SP140L: variants seen among roughly 807,000 people sequenced by gnomAD.
The protein encoded by SP140L is SP140 like nuclear body protein.
SP140L carries 64 observed loss-of-function variants against 84.3 expected under a neutral mutation model. The observed-to-expected ratio is 0.76, with a 90% confidence interval of 0.62 to 0.94. SP140L has a LOEUF of 0.94. Ranked by LOEUF, SP140L falls within the 40% of genes least tolerant of loss-of-function variation. The pLI is 0.00. For synonymous variants in SP140L, 242 were observed against 236.9 expected (o/e 1.02, Z -0.20); for missense variants, 628 against 692.5 (o/e 0.91, Z 1.05).
chr2:230,351,995 A>G (rs771075786), intron 2 of SP140L, among the ~76,000 whole-genome samples: 15 of 152,194 alleles, frequency 9.9e-5, no homozygotes, highest in Non-Finnish European at 2.1e-4. Flanking sequence ...CCATACTTAC[A>G]TAATAATTTC....
intron 7 of SP140L, among the ~76,000 whole-genome samples, chr2:230,378,258 T>C (rs1419559066): frequency 3.3e-5 from 5 of 152,168 alleles, no homozygotes; most frequent in Admixed American, 3.3e-4. Context: ...CCTCCAGTTT[T>C]GTTTTTCAGA....
chr2:230,391,379 T>C (rs2061798703), intron 11 of SP140L, among the ~76,000 whole-genome samples: 1 of 152,202 alleles, frequency 6.6e-6, no homozygotes, highest in Non-Finnish European at 1.5e-5. Flanking sequence ...TCACCAACAC[T>C]TGTTATTGTT....
Position 230,389,957 on chromosome 2 carries a change from G to T in SP140L, c.898G>T (p.Ala300Ser). ...CAAAGATGAAACTGTGGATTTTCAG[G>T]CTCCTTTACTTCCAGTGACCTGTGG... ...KHKDETVDFQ[A>S]PLLPVTCGGV... Residue 300 changes from alanine to serine, a missense_variant, in exon 11 of 19, where the codon GCT becomes TCT. Coordinates refer to ENST00000415673, the MANE Select transcript of SP140L (RefSeq NM_138402.6). 1 of 1,613,824 alleles carries T rather than the reference G, an allele frequency of 6.2e-7. No homozygotes were observed. The highest frequency in any genetic ancestry group is 8.5e-7 in the Non-Finnish European group (1 of 1,179,822).
At chr2:230,398,240 C>T (rs1055759377) in intron 14 of SP140L, among the ~76,000 whole-genome samples, 5 of 152,154 alleles carry the variant, frequency 3.3e-5, no homozygotes, top group Non-Finnish European at 7.3e-5. Context: ...AATACCAGTG[C>T]CTGTGCCTCA....
Position 230,357,924 on chromosome 2 carries a change from A to G in SP140L, c.227A>G (p.Glu76Gly). 1 of 1,614,020 alleles carries G rather than the reference A, an allele frequency of 6.2e-7. No individual in the cohort carries two copies. Among genetic ancestry groups the G allele is most frequent in the Non-Finnish European group, 8.5e-7 (1 of 1,179,900 alleles). ...NAIKKTFPFL[E>G]GLRDRELITN... ...ATAAAAAAGACATTTCCATTCCTTGAGGGCCTCCGCGATCGGGAACTCATC... is the reference window on the plus strand; with the variant it reads ...ATAAAAAAGACATTTCCATTCCTTGGGGGCCTCCGCGATCGGGAACTCATC... Residue 76 changes from glutamate to glycine, a missense_variant, in exon 3 of 19, where the codon GAG (glutamate) becomes GGG (glycine). By Grantham distance (98) the Glu-to-Gly change is moderately conservative. Coordinates refer to ENST00000415673, the MANE Select transcript of SP140L (RefSeq NM_138402.6).
rs991287503 is a variant in SP140L at position 230,395,588 on chromosome 2, GA to G, written c.1156-1160del. On this transcript the variant is annotated intron_variant, in intron 13 of 18. Coordinates refer to ENST00000415673, the MANE Select transcript of SP140L (RefSeq NM_138402.6). ...GAGTGAAACCCTGTCTCAAAAAAAA[GA>G]AAAAAAAATTGTTTCAATTTTATTG... 1.5e-4 allele frequency among the ~76,000 whole-genome samples: 23 copies of G among 151,106 alleles called. No individual in the cohort carries two copies. The South Asian group carries it at 1.9e-3, about 12-fold the overall frequency.
intron 13 of SP140L, among the ~76,000 whole-genome samples, chr2:230,394,492 GA>G (rs2061961267): frequency 6.6e-6 from 1 of 152,158 alleles, no homozygotes; most frequent in South Asian, 2.1e-4. Context: ...CTCAGCCACT[GA>G]GACATTTCAT....
chr2:230,377,692 A>G (rs73998796), intron 7 of SP140L, among the ~76,000 whole-genome samples: 11,931 of 152,230 alleles, frequency 0.078, 527 homozygotes, highest in Middle Eastern at 0.15. Flanking sequence ...ACATACATGT[A>G]TGTTCAGTAT....
intron 13 of SP140L, among the ~76,000 whole-genome samples, chr2:230,396,027 G>A (rs1459528925): frequency 6.6e-6 from 1 of 152,188 alleles, no homozygotes; most frequent in East Asian, 1.9e-4. Flanking sequence ...AGGACTCTGG[G>A]CCCTGTGGTC....
intron 2 of SP140L, among the ~76,000 whole-genome samples, chr2:230,348,574 T>C (rs2060276992): frequency 6.6e-6 from 1 of 152,248 alleles, no homozygotes; most frequent in Non-Finnish European, 1.5e-5. Flanking sequence ...TTGGGTTATC[T>C]TCTTATAGAG....
chr2:230,340,433 G>T (rs1282911699), intron 2 of SP140L, among the ~76,000 whole-genome samples: 1 of 148,894 alleles, frequency 6.7e-6, no homozygotes, highest in East Asian at 2.0e-4. Context: ...GATGGGTCTT[G>T]ACTCTTTATC....
rs747684880 is a variant in SP140L at position 230,392,113 on chromosome 2, G to A, written c.991G>A (p.Glu331Lys). 4 of 1,614,002 alleles carry A rather than the reference G, an allele frequency of 2.5e-6. No homozygotes were observed. In the South Asian group the frequency reaches 4.4e-5, roughly 18 times the overall value. The part of the protein sequence containing the change: ...QGTLAKCIQT[E>K]DGKWFTPMEF... Reference sequence around the variant, plus strand: ...AACCTTGGCAAAGTGTATACAGACTGAGGATGGAAAATGGTTCACCCCCAT... The same window carrying A: ...AACCTTGGCAAAGTGTATACAGACTAAGGATGGAAAATGGTTCACCCCCAT... The change falls in exon 12 of 19, where the codon GAG becomes AAG. Residue 331 changes from glutamate (E) to lysine (K), a missense_variant. Glu to Lys is a moderately conservative substitution (Grantham distance 56, BLOSUM62 1). Around this residue, in one of 4 missense-constraint regions of SP140L, gnomAD observed 525 missense variants for 518.4 expected, o/e 1.01. Transcript: ENST00000415673.
rs563731026 is a variant in SP140L, at chr2:230,370,849, G to T, written c.524-59G>T. On this transcript the variant is annotated intron_variant, in intron 5 of 18. Coordinates refer to ENST00000415673, the MANE Select transcript of SP140L (RefSeq NM_138402.6). The stretch of plus-strand genomic sequence containing the variant: ...AGTTCATAAATCACAATTTTGCCCC[G>T]GGAGCAGAGCGACCAGCATGTGAAA... 3 of 1,553,776 alleles carry T rather than the reference G, an allele frequency of 1.9e-6. No individual in the cohort carries two copies. The South Asian group carries it at 3.4e-5, about 18-fold the overall frequency.
intron 7 of SP140L, among the ~76,000 whole-genome samples, chr2:230,382,883 T>G (rs2061454307): frequency 1.3e-5 from 2 of 152,152 alleles, no homozygotes; most frequent in African/African-American, 4.8e-5. Context: ...GAGTCACTTT[T>G]CTGATAAAGG....
chr2:230,374,588 A>G (rs183215428), intron 7 of SP140L, among the ~76,000 whole-genome samples: 48 of 152,348 alleles, frequency 3.2e-4, no homozygotes, highest in African/African-American at 1.2e-3. Context: ...GAAATCTTTC[A>G]TGAAGTCCAT....
intron 2 of SP140L, among the ~76,000 whole-genome samples, chr2:230,331,152 A>G (rs1193555075): frequency 2.6e-5 from 4 of 152,220 alleles, no homozygotes; most frequent in African/African-American, 9.7e-5. Flanking sequence ...AAAAAAAATC[A>G]CATGCTAAGG....
At chr2:230,388,765 C>A in intron 10 of SP140L, 132 bp downstream of exon 10, 1 of 759,492 alleles carries the variant, frequency 1.3e-6, no homozygotes, top group Non-Finnish European at 1.9e-6. Context: ...AAAAACATAT[C>A]TTATTAAGTC....
rs2060634525 is a variant in SP140L, at chr2:230,359,020, T to A, written c.327T>A (p.Val109=). The stretch of plus-strand genomic sequence containing the variant: ...CTGTACAAAGAGTGGTGTACAATGT[T>A]CTCAGTGAACTGGAGAAGACATTTA... ...LVPVQRVVYN[V]LSELEKTFNL... The change falls in exon 4 of 19, where the codon GTT becomes GTA. Residue 109 remains valine, a synonymous_variant. Transcript: ENST00000415673. The A allele has an allele frequency of 6.2e-7, 1 of 1,613,548 alleles. No individual in the cohort carries two copies. Among genetic ancestry groups the A allele is most frequent in the Admixed American group, 1.7e-5 (1 of 59,866 alleles).
At chr2:230,361,578 A>G (rs376661658) in intron 4 of SP140L, 36 bp from the exon 5 acceptor site, 8 of 1,503,002 alleles carry the variant, frequency 5.3e-6, no homozygotes, top group African/African-American at 1.4e-5. Context: ...GTTCTCACAG[A>G]TCTTTAATTG....
Sources: allele counts gnomAD v4.1 joint callset (sites outside exome capture counted in the v4.1 genomes callset), GRCh38; gene constraint gnomAD v4.1.1; regional missense constraint gnomAD v4.1.1; transcripts MANE v1.5; gene names NCBI Gene and HGNC (gene_info 2026-07-23, HGNC 2026-07-21).